The following WNT7B variants were observed in gnomAD, a reference collection of about 807,000 sequenced individuals.
WNT7B encodes Wnt family member 7B.
A neutral mutation model predicts 38.2 loss-of-function variants in WNT7B; 19 were observed. The ratio of observed to expected loss-of-function variants is 0.50; its 90% confidence interval spans 0.35 to 0.73. The LOEUF (loss-of-function observed/expected upper bound fraction) is 0.73, where lower values mean the gene tolerates loss of function less well. WNT7B is among the 30% of genes least tolerant of loss of function. The probability of loss-of-function intolerance (pLI) is 0.01; values close to 1 mark genes in which losing one functional copy is unlikely to be tolerated. For synonymous variants in WNT7B, 243 were observed against 209.3 expected (o/e 1.16, Z -1.39); for missense variants, 423 against 507.9 (o/e 0.83, Z 1.61).
At chr22:45,945,781 C>A (rs980314941) in intron 2 of WNT7B, among the ~76,000 whole-genome samples, 7 of 152,238 alleles carry the variant, frequency 4.6e-5, no homozygotes, top group African/African-American at 1.7e-4. Flanking sequence ...GTCCAGCAGC[C>A]AACAGCCCTT....
rs553991549 is a variant in WNT7B, at chr22:45,965,172, C to T, written c.71+11512G>A. On this transcript the variant is annotated intron_variant, in intron 1 of 3. Coordinates refer to ENST00000339464, the MANE Select transcript of WNT7B (RefSeq NM_058238.3). The surrounding 1 kb of genome is among the most constrained non-coding windows in gnomAD (Gnocchi z 6.5). ...CTTCACACCTCCAGGTCTTTGCCCA[C>T]GTCTGTCCCTTTCCCAGGAACCCAC... Among the ~76,000 whole-genome samples, 18 of 152,262 alleles carry T rather than the reference C, an allele frequency of 1.2e-4. No individual in the cohort carries two copies. Among genetic ancestry groups the T allele is most frequent in the Middle Eastern group, 6.8e-3 (2 of 294 alleles).
At chr22:45,949,087 T>C (rs1314467894) in intron 2 of WNT7B, among the ~76,000 whole-genome samples, 1 of 152,064 alleles carries the variant, frequency 6.6e-6, no homozygotes, top group African/African-American at 2.4e-5. Flanking sequence ...CCCCTCGTCC[T>C]CCCAAAGTGC....
chr22:45,922,762 T>G lies in WNT7B; in HGVS notation c.*94A>C. On this transcript the variant is annotated 3_prime_UTR_variant, in exon 4 of 4. Transcript: ENST00000339464. ...CCCCGCTTCTGCACCCGTCTATGTCTGCTGCTGGCAGCACCAAGGCAGGGA... is the reference window on the plus strand; with the variant it reads ...CCCCGCTTCTGCACCCGTCTATGTCGGCTGCTGGCAGCACCAAGGCAGGGA... The G allele has an allele frequency of 6.6e-7, 1 of 1,525,538 alleles. No homozygotes were observed. Among genetic ancestry groups the G allele is most frequent in the Non-Finnish European group, 8.8e-7 (1 of 1,136,592 alleles). 94.5% of individuals were successfully genotyped at this position (1,525,538 alleles called of 1,614,324 possible). A position where few individuals can be genotyped will look rare whatever the true frequency, so the allele number is the denominator to read the frequency against.
chr22:45,946,793 A>T (rs1931807635), intron 2 of WNT7B, among the ~76,000 whole-genome samples: 1 of 152,206 alleles, frequency 6.6e-6, no homozygotes, highest in Non-Finnish European at 1.5e-5. Context: ...GCATACAAGC[A>T]CCCACACCAG....
chr22:45,920,553 C>A lies in WNT7B; in HGVS notation c.*2303G>T, dbSNP rs1569106826. On this transcript the variant is annotated 3_prime_UTR_variant, in exon 4 of 4. Transcript: ENST00000339464. ...GGCAGGGGCTCAGTGGGGTGCCCGG[C>A]AGCCAAGGGACAGTGCGAGTGTCTC... is the stretch of plus-strand genomic sequence containing the variant. The A allele has an allele frequency of 6.6e-6, 1 of 150,454 alleles. No individual in the cohort carries two copies. Among genetic ancestry groups the A allele is most frequent in the Non-Finnish European group, 1.5e-5 (1 of 67,736 alleles). 9.3% of individuals were successfully genotyped at this position (150,454 alleles called of 1,614,324 possible).
At chr22:45,938,162 T>A (rs1931557708) in intron 2 of WNT7B, among the ~76,000 whole-genome samples, 1 of 152,128 alleles carries the variant, frequency 6.6e-6, no homozygotes, top group Admixed American at 6.6e-5. Context: ...AACCCTGTCA[T>A]CCCTGCAGTG....
rs552921020 is a variant in WNT7B, at chr22:45,944,143, C to T, written c.298+5777G>A. On this transcript the variant is annotated intron_variant, in intron 2 of 3. Coordinates refer to ENST00000339464, the MANE Select transcript of WNT7B (RefSeq NM_058238.3). ...GACCCGGGCAGATAGGGCCTGTGTC[C>T]TTGGCCATAGCCTCTCTGCAGCCAG... Among the ~76,000 whole-genome samples, 136 of 152,348 alleles carry T rather than the reference C, an allele frequency of 8.9e-4. No individual in the cohort carries two copies. The Middle Eastern group carries it at 0.024, about 27-fold the overall frequency.
chr22:45,922,703 G>A lies in WNT7B; in HGVS notation c.*153C>T. On this transcript the variant is annotated 3_prime_UTR_variant, in exon 4 of 4. Transcript: ENST00000339464. ...CCCCAGGGAGGCGGGCAGAGGGCGT[G>A]GGCCCCGGCCGGTGCCCTCCTGCAC... 6 of 1,266,134 alleles carry A rather than the reference G, an allele frequency of 4.7e-6. No homozygotes were observed. In the South Asian group the frequency reaches 9.2e-5, roughly 19 times the overall value. 78.4% of individuals were successfully genotyped at this position (1,266,134 alleles called of 1,614,324 possible).
intron 2 of WNT7B, among the ~76,000 whole-genome samples, chr22:45,940,502 G>C (rs1427329929): frequency 6.6e-6 from 1 of 152,210 alleles, no homozygotes; most frequent in African/African-American, 2.4e-5. Context: ...ATTGCCACCT[G>C]TGTGTCCCTG....
chr22:45,958,649 C>T (rs557103745), intron 1 of WNT7B, among the ~76,000 whole-genome samples: 1 of 152,214 alleles, frequency 6.6e-6, no homozygotes, highest in Admixed American at 6.5e-5. Context: ...AAAAGTTCAG[C>T]AGCCTGCCTG....
intron 1 of WNT7B, among the ~76,000 whole-genome samples, chr22:45,973,275 G>A (rs1012694986): frequency 1.3e-5 from 2 of 152,216 alleles, no homozygotes; most frequent in African/African-American, 4.8e-5. Context: ...AGAAACATAG[G>A]TCTAGTGTCC....
At chr22:45,940,785 G>C (rs1931626219) in intron 2 of WNT7B, among the ~76,000 whole-genome samples, 1 of 152,208 alleles carries the variant, frequency 6.6e-6, no homozygotes, top group Non-Finnish European at 1.5e-5. Context: ...GCTCCTCTCA[G>C]GAAGGGATGC....
At chr22:45,929,741 GATCCATCCTTTC>G (rs1316573788) in intron 3 of WNT7B, among the ~76,000 whole-genome samples, 1 of 117,078 alleles carries the variant, frequency 8.5e-6, no homozygotes, top group East Asian at 3.2e-4. Context: ...TCCACCCACC[GATCCATCCTTTC>G]ATTCATCTGT....
intron 1 of WNT7B, among the ~76,000 whole-genome samples, chr22:45,959,213 T>A (rs1932140041): frequency 6.6e-6 from 1 of 152,124 alleles, no homozygotes; most frequent in South Asian, 2.1e-4. Flanking sequence ...TGGGACACCC[T>A]CAGCAGGGCT....
rs565504158 is a variant in WNT7B, at chr22:45,937,266, G to T, written c.299-5897C>A. On this transcript the variant is annotated intron_variant, in intron 2 of 3. Coordinates refer to ENST00000339464, the MANE Select transcript of WNT7B (RefSeq NM_058238.3). ...GTGACTGAGGTGAGGGCAAAGGTCT[G>T]GGGGCCACACATGCTCCTGGAGCCT... Among the ~76,000 whole-genome samples, 22 of 152,360 alleles carry T rather than the reference G, an allele frequency of 1.4e-4. 2 individuals are homozygous for T. Among genetic ancestry groups the T allele is most frequent in the Admixed American group, 5.2e-4 (8 of 15,304 alleles).
intron 1 of WNT7B, among the ~76,000 whole-genome samples, chr22:45,952,351 C>T (rs1001208174): frequency 1.3e-5 from 2 of 152,228 alleles, no homozygotes; most frequent in African/African-American, 4.8e-5. Flanking sequence ...ACTCAATCCC[C>T]GAGGCCCGCC....
At chr22:45,928,508 C>G (rs140333154) in intron 3 of WNT7B, among the ~76,000 whole-genome samples, 1 of 150,626 alleles carries the variant, frequency 6.6e-6, no homozygotes, top group East Asian at 1.9e-4. Flanking sequence ...ACCGGCCATC[C>G]GAGACAAGGC....
At position 45,920,579 on chromosome 22, in the gene WNT7B, G is replaced by A. The variant is rs1465204003; in HGVS notation, c.*2277C>T. 5 of 150,768 alleles carry A rather than the reference G, an allele frequency of 3.3e-5. No homozygotes were observed. Among genetic ancestry groups the A allele is most frequent in the East Asian group, 3.9e-4 (2 of 5,068 alleles). 9.3% of individuals were successfully genotyped at this position (150,768 alleles called of 1,614,324 possible). On this transcript the variant is annotated 3_prime_UTR_variant, in exon 4 of 4. Transcript: ENST00000339464. Reference sequence around the variant, plus strand: ...AGCCAAGGGACAGTGCGAGTGTCTCGGTGGCATCAGGGGCCCCAAGGGTCT... The same window carrying A: ...AGCCAAGGGACAGTGCGAGTGTCTCAGTGGCATCAGGGGCCCCAAGGGTCT...
chr22:45,971,121 G>A (rs1932426069), intron 1 of WNT7B, among the ~76,000 whole-genome samples: 1 of 151,798 alleles, frequency 6.6e-6, no homozygotes, highest in Admixed American at 6.6e-5. Flanking sequence ...GGGTGGGGGC[G>A]AGGCGATGTA....
Sources: allele counts gnomAD v4.1 joint callset (sites outside exome capture counted in the v4.1 genomes callset), GRCh38; gene constraint gnomAD v4.1.1; non-coding constraint Gnocchi (gnomAD v3.1); transcripts MANE v1.5; gene names NCBI Gene and HGNC (gene_info 2026-07-23, HGNC 2026-07-21).